Variants in ACYP2 observed in about 807,000 individuals in gnomAD.
The protein encoded by ACYP2 is acylphosphatase-2.
ACYP2 carries 12 observed loss-of-function variants against 11.2 expected under a neutral mutation model. The ratio of observed to expected loss-of-function variants is 1.08; its 90% CI spans 0.69 to 1.74. The LOEUF (loss-of-function observed/expected upper bound fraction) is 1.74. Ranked by LOEUF, ACYP2 falls within the 40% of genes most tolerant of loss-of-function variation. The probability of loss-of-function intolerance (pLI) is 0.00; values close to 1 mark genes in which losing one functional copy is unlikely to be tolerated. For synonymous variants in ACYP2, 43 were observed against 32.2 expected, an observed-to-expected ratio of 1.33 and a Z score of -1.13; for missense variants, 134 against 101.9, an observed-to-expected ratio of 1.31 and a Z score of -1.35.
intron 6 of ACYP2, chr2:54,254,389 T>C (rs1328745981): frequency 2.0e-5 from 3 of 153,572 alleles, no homozygotes; most frequent in African/African-American, 7.2e-5. Flanking sequence ...GAATAGCCAG[T>C]AGCAGGCAGC....
chr2:54,287,812 AG>A (rs1462669856), intron 6 of ACYP2, among the ~76,000 whole-genome samples: 2 of 151,918 alleles, frequency 1.3e-5, no homozygotes, highest in Admixed American at 6.5e-5. Context: ...TGCAAAGATG[AG>A]GTTTCCCTGT....
chr2:54,062,956 A>T (rs1028907310), intron 4 of ACYP2, among the ~76,000 whole-genome samples: 5 of 152,166 alleles, frequency 3.3e-5, no homozygotes, highest in Non-Finnish European at 5.9e-5. Context: ...TATTTAAAGC[A>T]CAATATCCCA....
chr2:54,255,648 G>A (rs767998320), intron 6 of ACYP2: 21 of 1,613,218 alleles, frequency 1.3e-5, no homozygotes, highest in African/African-American at 5.3e-5. Flanking sequence ...CCATTTCTTC[G>A]CCTCCTGGCT....
At chr2:54,089,088 C>G (rs1678090510) in intron 4 of ACYP2, among the ~76,000 whole-genome samples, 1 of 152,208 alleles carries the variant, frequency 6.6e-6, no homozygotes, top group African/African-American at 2.4e-5. Context: ...ACTAGAGCTG[C>G]TCTCGAAATG....
chr2:54,219,569 A>T (rs2103946308), intron 6 of ACYP2, among the ~76,000 whole-genome samples: 1 of 152,230 alleles, frequency 6.6e-6, no homozygotes, highest in East Asian at 1.9e-4. Flanking sequence ...CATTCGAATT[A>T]ATTAATCACT....
intron 6 of ACYP2, among the ~76,000 whole-genome samples, chr2:54,278,033 C>A (rs1394125004): frequency 6.6e-6 from 1 of 152,088 alleles, no homozygotes; most frequent in African/African-American, 2.4e-5. Context: ...AGGCTGGACT[C>A]CAGTGGCTCA....
intron 4 of ACYP2, among the ~76,000 whole-genome samples, chr2:54,113,969 T>C (rs12620359): frequency 0.2 from 30,124 of 152,082 alleles, 3,017 homozygotes; most frequent in East Asian, 0.3. Context: ...ACGAGGTCTC[T>C]GCAATAAACT....
At chr2:54,097,114 C>G (rs576677922) in intron 4 of ACYP2, among the ~76,000 whole-genome samples, 21 of 152,296 alleles carry the variant, frequency 1.4e-4, no homozygotes, top group African/African-American at 4.8e-4. Flanking sequence ...ATATCTTTCA[C>G]CTCCTCCGAG....
intron 4 of ACYP2, among the ~76,000 whole-genome samples, chr2:54,118,486 T>G (rs555795572): frequency 6.6e-6 from 1 of 152,340 alleles, no homozygotes; most frequent in South Asian, 2.1e-4. Context: ...ACAAAACAGG[T>G]GCACAGAGAT....
chr2:54,006,890 C>T (rs999798280), intron 2 of ACYP2, among the ~76,000 whole-genome samples: 4 of 151,740 alleles, frequency 2.6e-5, no homozygotes, highest in Non-Finnish European at 4.4e-5. Flanking sequence ...TTTGGGAGAC[C>T]GAGGCGGATG....
At chr2:53,999,029 G>T (rs1672690639) in intron 2 of ACYP2, among the ~76,000 whole-genome samples, 1 of 152,058 alleles carries the variant, frequency 6.6e-6, no homozygotes, top group South Asian at 2.1e-4. Flanking sequence ...TTGTCACATG[G>T]CCATGCTTAA....
chr2:54,065,602 C>T, intron 4 of ACYP2: 1 of 398,180 alleles, frequency 2.5e-6, no homozygotes, highest in Non-Finnish European at 4.4e-6. Flanking sequence ...GATCCCTGGG[C>T]TGGTGTGAGT....
intron 6 of ACYP2, among the ~76,000 whole-genome samples, chr2:54,242,567 G>A (rs927625381): frequency 6.6e-6 from 1 of 152,126 alleles, no homozygotes; most frequent in Non-Finnish European, 1.5e-5. Context: ...GATCAACGAT[G>A]AACTGCATAT....
chr2:54,199,993 C>T (rs1684690024), intron 6 of ACYP2, among the ~76,000 whole-genome samples: 1 of 152,216 alleles, frequency 6.6e-6, no homozygotes, highest in Admixed American at 6.5e-5. Flanking sequence ...TGTATTGAAA[C>T]CTAGTTAACA....
At chr2:54,269,913 A>G (rs969390762) in intron 6 of ACYP2, among the ~76,000 whole-genome samples, 6 of 152,204 alleles carry the variant, frequency 3.9e-5, no homozygotes, top group African/African-American at 1.4e-4. Context: ...TCTAATGACT[A>G]TATAACAGTC....
chr2:54,111,347 G>C (rs776213203), intron 4 of ACYP2, among the ~76,000 whole-genome samples: 4 of 152,118 alleles, frequency 2.6e-5, no homozygotes, highest in Non-Finnish European at 4.4e-5. Flanking sequence ...CTAGGTAGGG[G>C]GAAACTAAGG....
At chr2:54,286,265 G>A (rs1277002088) in intron 6 of ACYP2, among the ~76,000 whole-genome samples, 1 of 152,014 alleles carries the variant, frequency 6.6e-6, no homozygotes, top group East Asian at 1.9e-4. Context: ...TTACCCTCGT[G>A]ATCTGGGAGC....
intron 6 of ACYP2, among the ~76,000 whole-genome samples, chr2:54,175,578 TG>T (rs1483217570): frequency 2.0e-5 from 3 of 152,170 alleles, no homozygotes; most frequent in African/African-American, 4.8e-5. Context: ...TCCTAGTTTT[TG>T]AATTTGTTAG....
intron 4 of ACYP2, among the ~76,000 whole-genome samples, chr2:54,121,824 C>T (rs1390955545): frequency 6.6e-6 from 1 of 152,230 alleles, no homozygotes; most frequent in South Asian, 2.1e-4. Flanking sequence ...AAAATAATGA[C>T]AGTATTTTGA....
Sources: allele counts gnomAD v4.1 joint callset (sites outside exome capture counted in the v4.1 genomes callset), GRCh38; gene constraint gnomAD v4.1.1; transcripts MANE v1.5; gene names NCBI Gene and HGNC (gene_info 2026-07-23, HGNC 2026-07-21).